Variants in HMCN1 observed in about 807,000 individuals in gnomAD.
HMCN1 encodes the protein hemicentin-1.
HMCN1 carries 321 observed loss-of-function variants against 625.9 expected under a neutral mutation model. The observed-to-expected ratio is 0.51, with a 90% CI of 0.47 to 0.56. HMCN1 has a LOEUF of 0.56. HMCN1 is among the 20% of genes least tolerant of loss of function. HMCN1 has a pLI of 0.00. For synonymous variants in HMCN1, 2,425 were observed against 2,417.6 expected (o/e 1.00, Z -0.09); for missense variants, 6,588 against 6,887.3 (o/e 0.96, Z 1.54).
Position 186,060,914 on chromosome 1 carries a change from G to A in HMCN1, c.7313-937G>A, listed in dbSNP as rs538029224. 9.9e-5 allele frequency among the ~76,000 whole-genome samples: 15 copies of A among 152,108 alleles called. No homozygotes were observed. The East Asian group carries it at 2.7e-3, about 27-fold the overall frequency. On this transcript the variant is annotated intron_variant, in intron 46 of 106. Coordinates refer to ENST00000271588, the MANE Select transcript of HMCN1 (RefSeq NM_031935.3). The stretch of plus-strand genomic sequence containing the variant: ...TGATCACAGGTGTCTTTCTAAGCAC[G>A]AATCAGATCATAAGCCCTGTTTGTT...
intron 1 of HMCN1, among the ~76,000 whole-genome samples, chr1:185,758,014 TA>T: frequency 6.6e-6 from 1 of 152,322 alleles, no homozygotes; most frequent in Non-Finnish European, 1.5e-5. Context: ...AAAAATGATT[TA>T]AAAAATCACC....
At chr1:186,011,628 T>G (rs961550597) in intron 30 of HMCN1, among the ~76,000 whole-genome samples, 2 of 152,202 alleles carry the variant, frequency 1.3e-5, no homozygotes, top group African/African-American at 4.8e-5. Context: ...TGTGACACAC[T>G]GCTAGAACTG....
chr1:185,913,794 C>T (rs1414239082), intron 6 of HMCN1, among the ~76,000 whole-genome samples: 2 of 152,132 alleles, frequency 1.3e-5, no homozygotes, highest in African/African-American at 4.8e-5. Flanking sequence ...ATTCAATAAA[C>T]ATTTACTGAC....
chr1:186,119,762 C>G lies in HMCN1; in HGVS notation c.11974C>G (p.Pro3992Ala). 1 of 1,613,918 alleles carries G rather than the reference C, an allele frequency of 6.2e-7. No homozygotes were observed. Among genetic ancestry groups the G allele is most frequent in the Non-Finnish European group, 8.5e-7 (1 of 1,179,890 alleles). ...TTTTATAGAGCCTCCAGTCATTCAGCCCCAACCAAGTGAACTACACGTCAT... is the reference window on the plus strand; with the variant it reads ...TTTTATAGAGCCTCCAGTCATTCAGGCCCAACCAAGTGAACTACACGTCAT... ...LHVHEPPVIQ[P>A]QPSELHVILN... Residue 3992 changes from proline to alanine, a missense_variant, in exon 79 of 107, where the codon CCC becomes GCC. Pro to Ala is a conservative substitution (Grantham distance 27). Coordinates refer to ENST00000271588, the MANE Select transcript of HMCN1 (RefSeq NM_031935.3).
At chr1:185,801,407 G>C (rs1177432268) in intron 1 of HMCN1, among the ~76,000 whole-genome samples, 1 of 152,136 alleles carries the variant, frequency 6.6e-6, no homozygotes, top group Non-Finnish European at 1.5e-5. Flanking sequence ...CTCTAGGTTT[G>C]TAGTTTGGTC....
chr1:185,961,646 T>C (rs1650033702), intron 11 of HMCN1, among the ~76,000 whole-genome samples: 2 of 152,246 alleles, frequency 1.3e-5, no homozygotes, highest in Admixed American at 6.5e-5. Flanking sequence ...TGTGTAATAA[T>C]ATAGATGTAA....
Position 186,189,944 on chromosome 1 carries a change from A to T in HMCN1, c.*66A>T. ...AATCATGGCAATCAAGCCCCCTTCC[A>T]GATTACTGTCTCTTGAACAGTTGCA... On this transcript the variant is annotated 3_prime_UTR_variant, in exon 107 of 107. Transcript: ENST00000271588. 6.4e-7 allele frequency: 1 copy of T among 1,570,772 alleles called. No individual in the cohort carries two copies. The highest frequency in any genetic ancestry group is 8.7e-7 in the Non-Finnish European group (1 of 1,148,284).
chr1:186,025,935 T>C (rs1287421465), intron 36 of HMCN1, among the ~76,000 whole-genome samples: 2 of 152,216 alleles, frequency 1.3e-5, no homozygotes, highest in Admixed American at 1.3e-4. Context: ...TCATGACTTG[T>C]GTACATAACA....
intron 1 of HMCN1, among the ~76,000 whole-genome samples, chr1:185,754,298 A>C (rs1469635618): frequency 3.3e-5 from 5 of 152,182 alleles, no homozygotes; most frequent in African/African-American, 1.2e-4. Context: ...GAACGGATAC[A>C]ATGCTTCAGT....
chr1:186,123,243 T>C (rs768984316), intron 81 of HMCN1, 23 bp downstream of exon 81: 15 of 1,606,266 alleles, frequency 9.3e-6, no homozygotes, highest in Admixed American at 5.1e-5. Context: ...ACATGAATTA[T>C]TTTAGTCTGC....
chr1:185,785,860 A>T (rs1256319010), intron 1 of HMCN1, among the ~76,000 whole-genome samples: 1 of 152,228 alleles, frequency 6.6e-6, no homozygotes, highest in African/African-American at 2.4e-5. Context: ...TTTTAAAAAC[A>T]CATATATCAT....
intron 102 of HMCN1, among the ~76,000 whole-genome samples, chr1:186,174,207 A>G (rs1652417992): frequency 1.3e-5 from 2 of 152,236 alleles, no homozygotes; most frequent in African/African-American, 4.8e-5. Flanking sequence ...CAATCTGCCT[A>G]AACTCTAATC....
chr1:186,139,162 G>T lies in HMCN1; in HGVS notation c.13924+1190G>T, dbSNP rs76089711. On this transcript the variant is annotated intron_variant, in intron 89 of 106. Coordinates refer to ENST00000271588, the MANE Select transcript of HMCN1 (RefSeq NM_031935.3). The stretch of plus-strand genomic sequence containing the variant: ...TATTGTGCAGATGAGGAAAGATTTA[G>T]AAAATAATGTGCAGTAATTCACTAA... Among the ~76,000 whole-genome samples, 646 of 152,276 alleles carry T rather than the reference G, an allele frequency of 4.2e-3. 10 individuals are homozygous for T. The East Asian group carries it at 0.061, about 14-fold the overall frequency.
At chr1:185,777,123 A>G (rs570795793) in intron 1 of HMCN1, among the ~76,000 whole-genome samples, 1 of 152,170 alleles carries the variant, frequency 6.6e-6, no homozygotes, top group Non-Finnish European at 1.5e-5. Context: ...GAGGTGCTAC[A>G]AGTTCCAGTG....
At chr1:186,076,740 A>T in intron 54 of HMCN1, 118 bp downstream of exon 54, 1 of 954,088 alleles carries the variant, frequency 1.0e-6, no homozygotes, top group Non-Finnish European at 1.6e-6. Flanking sequence ...TGGCAGTTAG[A>T]CTGCTGAATG....
intron 30 of HMCN1, among the ~76,000 whole-genome samples, chr1:186,011,514 G>T (rs1277676532): frequency 6.6e-6 from 1 of 152,096 alleles, no homozygotes; most frequent in East Asian, 1.9e-4. Context: ...CTTGATATTT[G>T]ACTGCCAATT....
At chr1:186,099,189 G>A (rs987286474) in intron 68 of HMCN1, among the ~76,000 whole-genome samples, 2 of 152,052 alleles carry the variant, frequency 1.3e-5, no homozygotes, top group Non-Finnish European at 2.9e-5. Flanking sequence ...ACTGATAAAT[G>A]TTTGAAGTGA....
intron 86 of HMCN1, among the ~76,000 whole-genome samples, chr1:186,132,698 G>A (rs1422056957): frequency 1.3e-5 from 2 of 151,602 alleles, no homozygotes; most frequent in Non-Finnish European, 2.9e-5. Context: ...TGCACAACGT[G>A]CAGGTTAGTT....
intron 4 of HMCN1, among the ~76,000 whole-genome samples, chr1:185,870,927 G>A (rs1484117779): frequency 6.6e-6 from 1 of 152,068 alleles, no homozygotes; most frequent in African/African-American, 2.4e-5. Context: ...AAGGAGCCCT[G>A]TTGAGGTGTT....
Sources: allele counts gnomAD v4.1 joint callset (sites outside exome capture counted in the v4.1 genomes callset), GRCh38; gene constraint gnomAD v4.1.1; transcripts MANE v1.5; gene names NCBI Gene and HGNC (gene_info 2026-07-23, HGNC 2026-07-21).